The following LCLAT1 variants were observed in gnomAD, a reference collection of about 807,000 sequenced individuals.
The protein encoded by LCLAT1 is 1-AGP acyltransferase 8.
A neutral mutation model predicts 30.7 loss-of-function variants in LCLAT1; 11 were observed. The observed-to-expected ratio is 0.36, with a 90% CI of 0.23 to 0.59. LCLAT1 has a LOEUF of 0.59. Among genes scored for constraint, LCLAT1 ranks in the 20% least tolerant of loss-of-function variants. LCLAT1 has a pLI of 0.77. For missense variants in LCLAT1, 402 were observed against 458.6 expected (o/e 0.88, Z 1.13); for synonymous variants, 155 against 151.3 (o/e 1.02, Z -0.18).
At chr2:30,606,125 G>A (rs1453273729) in intron 5 of LCLAT1, 4 of 873,220 alleles carry the variant, frequency 4.6e-6, no homozygotes, top group Admixed American at 2.7e-5. Context: ...CCATGCTCAT[G>A]GATTGGAAGA....
At chr2:30,475,173 T>G (rs1302347837) in intron 1 of LCLAT1, among the ~76,000 whole-genome samples, 1 of 151,530 alleles carries the variant, frequency 6.6e-6, no homozygotes, top group African/African-American at 2.4e-5. Context: ...AATAAATTTT[T>G]TTTTTTGTAG....
At chr2:30,460,957 C>T (rs571171594) in intron 1 of LCLAT1, among the ~76,000 whole-genome samples, 1 of 152,228 alleles carries the variant, frequency 6.6e-6, no homozygotes, top group Non-Finnish European at 1.5e-5. Context: ...CTTTGCATCC[C>T]TCTGCCCTCT....
intron 1 of LCLAT1, among the ~76,000 whole-genome samples, chr2:30,475,916 CTA>C (rs1252999459): frequency 6.6e-6 from 1 of 152,184 alleles, no homozygotes. Context: ...TGATAATCCA[CTA>C]TGAGTCTTAT....
At chr2:30,554,232 C>A (rs767382677) in intron 3 of LCLAT1, among the ~76,000 whole-genome samples, 1 of 152,300 alleles carries the variant, frequency 6.6e-6, no homozygotes, top group Admixed American at 6.5e-5. Flanking sequence ...TGCAGAAATA[C>A]ATTCGACCTG....
chr2:30,576,956 A>G (rs1666016036), intron 5 of LCLAT1, among the ~76,000 whole-genome samples: 1 of 151,934 alleles, frequency 6.6e-6, no homozygotes, highest in African/African-American at 2.4e-5. Flanking sequence ...CCAAATTCAT[A>G]TACCTCACTT....
intron 3 of LCLAT1, among the ~76,000 whole-genome samples, chr2:30,556,992 C>T (rs1035436284): frequency 1.3e-5 from 2 of 152,156 alleles, no homozygotes; most frequent in East Asian, 1.9e-4. Context: ...GATCCGCCTG[C>T]GTCGGCCTCC....
At chr2:30,463,126 A>G (rs930092187) in intron 1 of LCLAT1, among the ~76,000 whole-genome samples, 64 of 152,114 alleles carry the variant, frequency 4.2e-4, no homozygotes, top group African/African-American at 1.5e-3. Flanking sequence ...CTTGAATGCT[A>G]TATAAGTAAT....
At chr2:30,493,955 C>T (rs1333632921) in intron 1 of LCLAT1, among the ~76,000 whole-genome samples, 1 of 152,066 alleles carries the variant, frequency 6.6e-6, no homozygotes, top group Non-Finnish European at 1.5e-5. Flanking sequence ...GCGTTCAAGA[C>T]CAGCCTGGTC....
At chr2:30,548,555 T>G (rs1044730316) in intron 3 of LCLAT1, among the ~76,000 whole-genome samples, 2 of 152,130 alleles carry the variant, frequency 1.3e-5, no homozygotes, top group African/African-American at 2.4e-5. Flanking sequence ...GAGACCAGGT[T>G]TTTTTGTGCA....
At chr2:30,474,740 C>G (rs1453547606) in intron 1 of LCLAT1, among the ~76,000 whole-genome samples, 1 of 151,680 alleles carries the variant, frequency 6.6e-6, no homozygotes, top group African/African-American at 2.4e-5. Context: ...CCTTGACCTC[C>G]TGGGCTCAAG....
chr2:30,622,276 A>C (rs939264183), intron 5 of LCLAT1, among the ~76,000 whole-genome samples: 1 of 152,210 alleles, frequency 6.6e-6, no homozygotes, highest in Non-Finnish European at 1.5e-5. Context: ...GCCTGAGCTC[A>C]GACCAGCCTA....
chr2:30,537,250 G>A lies in LCLAT1; in HGVS notation c.364+3936G>A, dbSNP rs182488231. Among the ~76,000 whole-genome samples, 1,009 of 152,078 alleles carry A rather than the reference G, an allele frequency of 6.6e-3. 14 individuals are homozygous for A. The highest frequency in any genetic ancestry group is 0.022 in the African/African-American group (931 of 41,508). ...CAAAAAATTAGCCGGGCGCGGTGGC[G>A]GGCGCCTATAGTCCCAGCTACTCGG... is the stretch of plus-strand genomic sequence containing the variant. On this transcript the variant is annotated intron_variant, in intron 3 of 5. Coordinates refer to ENST00000379509, the MANE Select transcript of LCLAT1 (RefSeq NM_001002257.3).
intron 5 of LCLAT1, among the ~76,000 whole-genome samples, chr2:30,576,916 G>T (rs1666013329): frequency 6.6e-6 from 1 of 151,576 alleles, no homozygotes; most frequent in African/African-American, 2.4e-5. Flanking sequence ...GTACTCATTT[G>T]CTGGAGTATA....
At chr2:30,568,952 C>T (rs184338073) in intron 5 of LCLAT1, among the ~76,000 whole-genome samples, 1 of 148,242 alleles carries the variant, frequency 6.7e-6, no homozygotes, top group African/African-American at 2.5e-5. Context: ...ATATATCATT[C>T]TCTTACTATT....
At position 30,536,208 on chromosome 2, in the gene LCLAT1, G is replaced by A. The variant is rs374749545; in HGVS notation, c.364+2894G>A. ...GTTGGAGAAGACGAGGTGAAAAAAG[G>A]CATTGAAACCTACTTAATGAAATAA... On this transcript the variant is annotated intron_variant, in intron 3 of 5. Transcript: ENST00000379509. Among the ~76,000 whole-genome samples the A allele has an allele frequency of 1.3e-3, 203 of 152,268 alleles. 1 individual carries two copies. Among genetic ancestry groups the A allele is most frequent in the African/African-American group, 4.7e-3 (196 of 41,568 alleles).
rs76867074 is a variant in LCLAT1, at chr2:30,513,743, C to T, written c.-4-11844C>T. Among the ~76,000 whole-genome samples the T allele has an allele frequency of 9.4e-3, 1,429 of 152,264 alleles. 24 individuals are homozygous for T. Among genetic ancestry groups the T allele is most frequent in the African/African-American group, 0.032 (1,336 of 41,540 alleles). ...CTGAGATAAATACATATCTGCTTGC[C>T]TTCTGTGGAGGGGCTAATCAGAAAC... On this transcript the variant is annotated intron_variant, in intron 1 of 5. Transcript: ENST00000379509.
chr2:30,598,414 CTTT>C lies in LCLAT1; in HGVS notation c.628+30251_628+30253del, dbSNP rs58514140. Among the ~76,000 whole-genome samples, 27 of 135,938 alleles carry C rather than the reference CTTT, an allele frequency of 2.0e-4. No homozygotes were observed. The Middle Eastern group carries it at 0.011, about 57-fold the overall frequency. The allele number at this position is 135,938 out of a possible 152,430, so 89.2% of individuals were successfully genotyped here. A position where few individuals can be genotyped will look rare whatever the true frequency, so the allele number is the denominator to read the frequency against. On this transcript the variant is annotated intron_variant, in intron 5 of 5. Coordinates refer to ENST00000379509, the MANE Select transcript of LCLAT1 (RefSeq NM_001002257.3). ...AATTTATCCATTTCTTCTAGATTTTCTTTTTTTTTTTTTTTATTTGCAGAGGTG... is the reference window on the plus strand; with the variant it reads ...AATTTATCCATTTCTTCTAGATTTTCTTTTTTTTTTTTATTTGCAGAGGTG...
chr2:30,512,851 C>T (rs974513397), intron 1 of LCLAT1, among the ~76,000 whole-genome samples: 2 of 152,092 alleles, frequency 1.3e-5, no homozygotes, highest in African/African-American at 4.8e-5. Context: ...TTTATTATTG[C>T]CCACTGTTTA....
intron 5 of LCLAT1, among the ~76,000 whole-genome samples, chr2:30,599,375 T>C (rs1460612639): frequency 6.6e-6 from 1 of 152,106 alleles, no homozygotes; most frequent in Admixed American, 6.5e-5. Context: ...TGCTGAGGAG[T>C]GTTTTACTTC....
Sources: allele counts gnomAD v4.1 joint callset (sites outside exome capture counted in the v4.1 genomes callset), GRCh38; gene constraint gnomAD v4.1.1; transcripts MANE v1.5; gene names NCBI Gene and HGNC (gene_info 2026-07-23, HGNC 2026-07-21).